Variants in KCNH5 observed in about 807,000 individuals in gnomAD.
KCNH5 encodes voltage-gated delayed rectifier potassium channel KCNH5.
A neutral mutation model predicts 96.1 loss-of-function variants in KCNH5; 46 were observed. The observed-to-expected ratio is 0.48, with a 90% CI of 0.38 to 0.61. KCNH5 has a LOEUF of 0.61. Among genes scored for constraint, KCNH5 ranks in the 20% least tolerant of loss-of-function variants. The probability of loss-of-function intolerance (pLI) is 0.00; values close to 1 mark genes in which losing one functional copy is unlikely to be tolerated. For missense variants in KCNH5, 907 were observed against 1,225.8 expected, an observed-to-expected ratio of 0.74 and a Z score of 3.88; for synonymous variants, 439 against 449.8, an observed-to-expected ratio of 0.98 and a Z score of 0.30.
At chr14:62,714,205 C>T (rs1211817157) in intron 10 of KCNH5, among the ~76,000 whole-genome samples, 3 of 152,034 alleles carry the variant, frequency 2.0e-5, no homozygotes, top group Non-Finnish European at 2.9e-5. Flanking sequence ...AGGAGGATCA[C>T]CTGAGCTCAG....
At chr14:62,960,684 T>C (rs982406614) in intron 6 of KCNH5, among the ~76,000 whole-genome samples, 1 of 152,098 alleles carries the variant, frequency 6.6e-6, no homozygotes, top group Admixed American at 6.6e-5. Context: ...AGAAAAAAAA[T>C]TGCAAACTAC....
At chr14:62,979,007 T>G (rs1566728707) in intron 6 of KCNH5, among the ~76,000 whole-genome samples, 1 of 152,218 alleles carries the variant, frequency 6.6e-6, no homozygotes, top group Non-Finnish European at 1.5e-5. Flanking sequence ...TTTCTTGAAT[T>G]TAGTTCCATC....
At position 62,707,956 on chromosome 14, in the gene KCNH5, A is replaced by G. The variant is rs1457066240; in HGVS notation, c.2519T>C (p.Leu840Ser). The G allele has an allele frequency of 6.2e-7, 1 of 1,614,100 alleles. No homozygotes were observed. Among genetic ancestry groups the G allele is most frequent in the African/African-American group, 1.3e-5 (1 of 74,920 alleles). ...NVTKAESMGL[L>S]SEDPKSSDSE... ...ATCACTGCTCTTGGGGTCCTCAGAC[A>G]ATAGCCCCATTGACTCAGCTTTAGT... The change falls in exon 11 of 11, where the codon TTG becomes TCG. Residue 840 changes from leucine (L) to serine (S), a missense_variant. By Grantham distance (145) the Leu-to-Ser change is moderately radical. Transcript: ENST00000322893.
intron 7 of KCNH5, among the ~76,000 whole-genome samples, chr14:62,894,892 A>G (rs957478387): frequency 3.3e-5 from 5 of 152,294 alleles, no homozygotes; most frequent in Non-Finnish European, 5.9e-5. Context: ...AAAACTCTAA[A>G]TGAATACATT....
chr14:63,039,228 C>T (rs1040463592), intron 1 of KCNH5, among the ~76,000 whole-genome samples: 1 of 152,056 alleles, frequency 6.6e-6, no homozygotes, highest in African/African-American at 2.4e-5. Context: ...TTCAGATTTA[C>T]TGACTAAGAG....
At chr14:62,838,477 CTGCTGAA>C (rs761427854) in intron 8 of KCNH5, among the ~76,000 whole-genome samples, 5 of 152,180 alleles carry the variant, frequency 3.3e-5, no homozygotes, top group Non-Finnish European at 5.9e-5. Flanking sequence ...CAGATGGTCT[CTGCTGAA>C]TGGTTGAACT....
At chr14:62,710,456 G>GTAAACATA (rs1280542086) in intron 10 of KCNH5, among the ~76,000 whole-genome samples, 2 of 152,190 alleles carry the variant, frequency 1.3e-5, no homozygotes, top group Non-Finnish European at 2.9e-5. Context: ...GTTGTACTAA[G>GTAAACATA]TCTTCAAGAT....
chr14:62,837,754 T>C (rs1388250415), intron 8 of KCNH5, among the ~76,000 whole-genome samples: 1 of 152,192 alleles, frequency 6.6e-6, no homozygotes, highest in East Asian at 1.9e-4. Flanking sequence ...TCAAATTATA[T>C]GAATCAGTAA....
chr14:62,779,523 G>C (rs2139975153), intron 10 of KCNH5, among the ~76,000 whole-genome samples: 1 of 152,176 alleles, frequency 6.6e-6, no homozygotes, highest in Middle Eastern at 3.4e-3. Flanking sequence ...AAATGGTAAA[G>C]ATTCAAATCT....
chr14:63,029,304 G>A (rs1397870230), intron 1 of KCNH5, among the ~76,000 whole-genome samples: 2 of 152,126 alleles, frequency 1.3e-5, no homozygotes, highest in Non-Finnish European at 2.9e-5. Context: ...CACCAAGTAA[G>A]TTTCTGCAAA....
intron 2 of KCNH5, among the ~76,000 whole-genome samples, chr14:63,015,294 C>T (rs4902197): frequency 0.37 from 56,871 of 151,670 alleles, 11,223 homozygotes; most frequent in East Asian, 0.52. Context: ...TAGGTTTAAG[C>T]GGGGTAGGAA....
At chr14:62,880,054 T>G (rs1888461557) in intron 7 of KCNH5, among the ~76,000 whole-genome samples, 1 of 152,186 alleles carries the variant, frequency 6.6e-6, no homozygotes, top group Admixed American at 6.6e-5. Context: ...TTTTTTGTAT[T>G]AGAAATGTAT....
intron 7 of KCNH5, among the ~76,000 whole-genome samples, chr14:62,920,719 T>C (rs1367885482): frequency 3.9e-5 from 6 of 152,174 alleles, no homozygotes; most frequent in Admixed American, 2.0e-4. Context: ...TCATGAAATC[T>C]GAAAGACCAA....
At chr14:62,712,549 CCAAA>C (rs1223394637) in intron 10 of KCNH5, 2 of 676,548 alleles carry the variant, frequency 3.0e-6, no homozygotes, top group Non-Finnish European at 5.5e-6. Context: ...GGGTCAGATT[CCAAA>C]CAGTCTTAAC....
chr14:62,760,412 A>C (rs1885722506), intron 10 of KCNH5, among the ~76,000 whole-genome samples: 1 of 152,152 alleles, frequency 6.6e-6, no homozygotes, highest in Admixed American at 6.5e-5. Context: ...AGTTCTCTGT[A>C]TTACCTCTGT....
At chr14:62,753,836 A>G (rs1885558418) in intron 10 of KCNH5, among the ~76,000 whole-genome samples, 1 of 152,226 alleles carries the variant, frequency 6.6e-6, no homozygotes, top group African/African-American at 2.4e-5. Flanking sequence ...CCTACAAGAA[A>G]TGCTAAAGGT....
intron 1 of KCNH5, among the ~76,000 whole-genome samples, chr14:63,038,919 T>C (rs1891773044): frequency 6.6e-6 from 1 of 152,146 alleles, no homozygotes; most frequent in Non-Finnish European, 1.5e-5. Flanking sequence ...TTTTTTTACA[T>C]TCTGCTTTGC....
intron 7 of KCNH5, chr14:62,949,800 CTTTT>C (rs10523496): frequency 3.8e-4 from 64 of 168,232 alleles, no homozygotes; most frequent in Middle Eastern, 3.0e-3. Context: ...GATCCTATCT[CTTTT>C]TTTTTTTTTT....
intron 10 of KCNH5, among the ~76,000 whole-genome samples, chr14:62,765,107 A>G (rs997278183): frequency 2.0e-5 from 3 of 152,200 alleles, no homozygotes; most frequent in African/African-American, 7.2e-5. Flanking sequence ...GAATCGCACT[A>G]CCTGACTTCA....
Sources: gnomAD v4.1 joint callset for allele counts (sites outside exome capture counted in the v4.1 genomes callset) on GRCh38, gnomAD v4.1.1 for gene constraint, MANE v1.5 for transcripts, NCBI Gene and HGNC (gene_info 2026-07-23, HGNC 2026-07-21) for gene names.